Variants in CCSER1 observed in about 807,000 individuals in gnomAD.
The protein encoded by CCSER1 is coiled-coil serine rich protein 1.
In CCSER1, 41 loss-of-function variants were observed where a neutral mutation model predicts 82.0. The ratio of observed to expected loss-of-function variants is 0.50; its 90% confidence interval spans 0.39 to 0.65. The LOEUF (loss-of-function observed/expected upper bound fraction) is 0.65. CCSER1 is among the 30% of genes least tolerant of loss of function. The pLI, the probability that CCSER1 is intolerant of heterozygous loss-of-function variation, is 0.00. For synonymous variants in CCSER1, 414 were observed against 383.9 expected, an observed-to-expected ratio of 1.08 and a Z score of -0.92; for missense variants, 1,119 against 1,064.2, an observed-to-expected ratio of 1.05 and a Z score of -0.72.
chr4:90,413,966 AAAAAAAAAAAAAAAAATATAT>A (rs1485365528), intron 4 of CCSER1, among the ~76,000 whole-genome samples: 1 of 114,660 alleles, frequency 8.7e-6, no homozygotes, highest in African/African-American at 4.1e-5. Flanking sequence ...AAAAAAAAAA[AAAAAAAAAAAAAAAAATATAT>A]ATATATATAT....
chr4:91,553,082 AATTTTTTGAGT>A (rs1235432592), intron 10 of CCSER1, among the ~76,000 whole-genome samples: 2 of 151,492 alleles, frequency 1.3e-5, no homozygotes, highest in Non-Finnish European at 3.0e-5. Flanking sequence ...TTCTACACTT[AATTTTTTGAGT>A]ATTTTTATCA....
At chr4:91,091,665 C>T (rs61211214) in intron 10 of CCSER1, among the ~76,000 whole-genome samples, 2,670 of 152,244 alleles carry the variant, frequency 0.018, 81 homozygotes, top group African/African-American at 0.061. Flanking sequence ...ATTGTCTAGG[C>T]TTGGTTTGGC....
chr4:90,945,341 C>G (rs1159871940), intron 9 of CCSER1, among the ~76,000 whole-genome samples: 3 of 152,060 alleles, frequency 2.0e-5, no homozygotes, highest in Non-Finnish European at 4.4e-5. Context: ...ATAACACATT[C>G]AGCTAAATGG....
intron 8 of CCSER1, among the ~76,000 whole-genome samples, chr4:90,897,731 C>T (rs1723932843): frequency 6.6e-6 from 1 of 152,056 alleles, no homozygotes. Flanking sequence ...AACTAATTTA[C>T]ATTGTCCATG....
At chr4:91,001,336 C>T in intron 9 of CCSER1, among the ~76,000 whole-genome samples, 1 of 152,178 alleles carries the variant, frequency 6.6e-6, no homozygotes, top group East Asian at 1.9e-4. Flanking sequence ...ATTTTTGCAT[C>T]TGTGTTCAAT....
At chr4:90,626,514 C>G (rs1003691604) in intron 5 of CCSER1, among the ~76,000 whole-genome samples, 4 of 152,120 alleles carry the variant, frequency 2.6e-5, no homozygotes, top group Admixed American at 2.6e-4. Flanking sequence ...TCAATCGTAT[C>G]AGATAAAATA....
intron 10 of CCSER1, among the ~76,000 whole-genome samples, chr4:91,335,136 T>C (rs1338228492): frequency 1.3e-5 from 2 of 152,078 alleles, no homozygotes; most frequent in South Asian, 2.1e-4. Context: ...CCAGGCTCTT[T>C]ATAGATTGTT....
chr4:91,085,286 G>T (rs1368070539), intron 9 of CCSER1, among the ~76,000 whole-genome samples: 2 of 151,922 alleles, frequency 1.3e-5, no homozygotes, highest in Non-Finnish European at 2.9e-5. Context: ...GTTCTCCAAA[G>T]CTTTGTTAAA....
intron 10 of CCSER1, among the ~76,000 whole-genome samples, chr4:91,117,102 A>G (rs1405985207): frequency 6.6e-6 from 1 of 152,224 alleles, no homozygotes; most frequent in Non-Finnish European, 1.5e-5. Flanking sequence ...GCTAGTACAA[A>G]GCTAAACAGA....
intron 10 of CCSER1, among the ~76,000 whole-genome samples, chr4:91,486,654 T>C (rs1013316741): frequency 2.6e-5 from 4 of 152,104 alleles, no homozygotes; most frequent in Non-Finnish European, 5.9e-5. Flanking sequence ...ATAACAACTA[T>C]TTACATAGCA....
At chr4:90,320,537 A>G (rs920625946) in intron 3 of CCSER1, among the ~76,000 whole-genome samples, 1 of 152,180 alleles carries the variant, frequency 6.6e-6, no homozygotes, top group Non-Finnish European at 1.5e-5. Flanking sequence ...TAAACTGGCC[A>G]TACAATGAGG....
At chr4:91,075,169 G>A (rs1721842487) in intron 9 of CCSER1, among the ~76,000 whole-genome samples, 1 of 114,446 alleles carries the variant, frequency 8.7e-6, no homozygotes, top group Non-Finnish European at 1.7e-5. Flanking sequence ...AAATTTGGTA[G>A]GAAGTTCTAT....
rs1749112298 is a variant in CCSER1 at position 91,359,624 on chromosome 4, C to G, written c.2218-238948C>G. On this transcript the variant is annotated intron_variant, in intron 10 of 10. Transcript: ENST00000509176. ...ACAATATCTCAAGCGATTAGTATCT[C>G]AGATCTCATAATTTGGTTGATAAAG... Among the ~76,000 whole-genome samples, 3 of 151,456 alleles carry G rather than the reference C, an allele frequency of 2.0e-5. 1 individual carries two copies. The highest frequency in any genetic ancestry group is 1.3e-4 in the Admixed American group (2 of 15,164).
intron 5 of CCSER1, among the ~76,000 whole-genome samples, chr4:90,594,532 C>T (rs990938520): frequency 5.3e-5 from 8 of 152,068 alleles, no homozygotes; most frequent in Non-Finnish European, 1.0e-4. Context: ...AACAGTCTCA[C>T]AGAACTCAAT....
At chr4:91,315,405 T>C (rs938096529) in intron 10 of CCSER1, among the ~76,000 whole-genome samples, 2 of 152,006 alleles carry the variant, frequency 1.3e-5, no homozygotes, top group African/African-American at 2.4e-5. Flanking sequence ...TTTTTCATTA[T>C]ATTTCCACTG....
At chr4:90,848,044 T>A (rs973773273) in intron 8 of CCSER1, among the ~76,000 whole-genome samples, 6 of 152,224 alleles carry the variant, frequency 3.9e-5, no homozygotes, top group Non-Finnish European at 8.8e-5. Flanking sequence ...GAAGGTTTGT[T>A]TGAAGCAAAT....
At chr4:90,408,744 T>C (rs183128537) in intron 4 of CCSER1, among the ~76,000 whole-genome samples, 3 of 152,200 alleles carry the variant, frequency 2.0e-5, no homozygotes, top group Non-Finnish European at 2.9e-5. Context: ...TCCAAAGGAA[T>C]GCAGCTCCTC....
rs1386051061 is a variant in CCSER1 at position 90,959,231 on chromosome 4, T to A, written c.2172+35784T>A. Among the ~76,000 whole-genome samples, 5 of 152,196 alleles carry A rather than the reference T, an allele frequency of 3.3e-5. No individual in the cohort carries two copies. In the South Asian group the frequency reaches 8.3e-4, roughly 25 times the overall value. On this transcript the variant is annotated intron_variant, in intron 9 of 10. Transcript: ENST00000509176. ...AGTGCATCCTGCTGTAGCACAGTGC[T>A]CCACTGGAAGAACATGCAGTATTCT...
At chr4:91,367,268 G>A (rs1325424273) in intron 10 of CCSER1, among the ~76,000 whole-genome samples, 1 of 138,424 alleles carries the variant, frequency 7.2e-6, no homozygotes, top group African/African-American at 2.7e-5. Context: ...AGTGAGCCAA[G>A]ATTGCACCGC....
Sources: allele counts gnomAD v4.1 joint callset (sites outside exome capture counted in the v4.1 genomes callset), GRCh38; gene constraint gnomAD v4.1.1; transcripts MANE v1.5; gene names NCBI Gene and HGNC (gene_info 2026-07-23, HGNC 2026-07-21).